N4BP2L2: variants seen among roughly 807,000 people sequenced by gnomAD.
N4BP2L2 encodes the protein NEDD4-binding protein 2-like 2.
Under a neutral mutation model 56.2 loss-of-function variants are expected in N4BP2L2, and 50 were observed. That is an observed-to-expected ratio of 0.89 (90% CI 0.71 to 1.13). The LOEUF is 1.13. N4BP2L2 is among the 50% of genes most tolerant of loss of function. The pLI is 0.00. For missense variants in N4BP2L2, 689 were observed against 693.8 expected, an observed-to-expected ratio of 0.99 and a Z score of 0.08; for synonymous variants, 203 against 223.6, an observed-to-expected ratio of 0.91 and a Z score of 0.82.
intron 2 of N4BP2L2, among the ~76,000 whole-genome samples, chr13:32,533,566 G>A (rs1309984784): frequency 7.2e-6 from 1 of 139,618 alleles, no homozygotes; most frequent in African/African-American, 2.7e-5. Context: ...CTGTCACCCA[G>A]GCTAGAAAGC....
At chr13:32,488,572 CATTTA>C (rs746162164) in intron 6 of N4BP2L2, among the ~76,000 whole-genome samples, 1 of 152,072 alleles carries the variant, frequency 6.6e-6, no homozygotes, top group Non-Finnish European at 1.5e-5. Flanking sequence ...TAAAATTATA[CATTTA>C]AATTATAAAT....
intron 2 of N4BP2L2, among the ~76,000 whole-genome samples, chr13:32,534,167 CATA>C (rs1245560887): frequency 1.1e-4 from 16 of 152,270 alleles, no homozygotes; most frequent in African/African-American, 3.9e-4. Flanking sequence ...AATTGTGAAT[CATA>C]ATACGAATGG....
At chr13:32,477,185 G>A in intron 6 of N4BP2L2, 1 of 494,504 alleles carries the variant, frequency 2.0e-6, no homozygotes, top group Non-Finnish European at 3.8e-6. Context: ...ATTTCTCCTT[G>A]GGCAGTCAGA....
At chr13:32,531,036 G>T (rs907847410) in intron 2 of N4BP2L2, among the ~76,000 whole-genome samples, 1 of 152,078 alleles carries the variant, frequency 6.6e-6, no homozygotes, top group African/African-American at 2.4e-5. Flanking sequence ...AGCCAGCAAG[G>T]AACTGAAGTC....
chr13:32,462,861 TAAAAAAAAA>T (rs569068082), intron 6 of N4BP2L2, among the ~76,000 whole-genome samples: 2 of 51,092 alleles, frequency 3.9e-5, no homozygotes, highest in African/African-American at 6.1e-5. Flanking sequence ...CTGTCTTTAC[TAAAAAAAAA>T]AAAAAAAAAA....
At position 32,521,714 on chromosome 13, in the gene N4BP2L2, G is replaced by A. The variant is rs1436280495; in HGVS notation, c.1474-265C>T. The stretch of plus-strand genomic sequence containing the variant: ...TATGAGGCTGGGCGTGGTGGCTCAT[G>A]CCTGTAATCCCAGCACTTTGGGAGG... On this transcript the variant is annotated intron_variant, in intron 4 of 5. Coordinates refer to ENST00000267068, the Ensembl canonical transcript of N4BP2L2. 3 of 335,888 alleles carry A rather than the reference G, an allele frequency of 8.9e-6. No homozygotes were observed. The Admixed American group carries it at 1.5e-4, about 16-fold the overall frequency. The allele number at this position is 335,888 out of a possible 1,614,324, so 20.8% of individuals were successfully genotyped here.
chr13:32,523,329 T>A (rs534979882), intron 3 of N4BP2L2: 1 of 145,716 alleles, frequency 6.9e-6, no homozygotes, highest in African/African-American at 2.6e-5. Flanking sequence ...GAAGTGGAGG[T>A]TGCTGTGAGC....
At chr13:32,468,908 G>T (rs2081768315) in intron 6 of N4BP2L2, among the ~76,000 whole-genome samples, 1 of 152,250 alleles carries the variant, frequency 6.6e-6, no homozygotes, top group Non-Finnish European at 1.5e-5. Context: ...AGCCAACCTT[G>T]TAGCCCAGGG....
intron 6 of N4BP2L2, among the ~76,000 whole-genome samples, chr13:32,469,640 C>A (rs1490579781): frequency 6.6e-6 from 1 of 152,204 alleles, no homozygotes; most frequent in Non-Finnish European, 1.5e-5. Context: ...GGGGTCCCCT[C>A]CCTGCCTGAT....
intron 5 of N4BP2L2, among the ~76,000 whole-genome samples, chr13:32,520,380 C>A (rs1320037263): frequency 1.3e-5 from 2 of 148,920 alleles, no homozygotes; most frequent in Non-Finnish European, 3.0e-5. Context: ...AAAGGCCAGG[C>A]GTGGTGGCTC....
At chr13:32,487,251 A>G (rs2086083101) in intron 6 of N4BP2L2, among the ~76,000 whole-genome samples, 2 of 151,874 alleles carry the variant, frequency 1.3e-5, no homozygotes, top group Non-Finnish European at 2.9e-5. Context: ...AGGCAAGAGG[A>G]TTGCTTGAGC....
At chr13:32,437,854 C>A (rs1398744626) in intron 8 of N4BP2L2, among the ~76,000 whole-genome samples, 1 of 152,142 alleles carries the variant, frequency 6.6e-6, no homozygotes, top group Non-Finnish European at 1.5e-5. Context: ...TTAAATGTAA[C>A]CTTCTCTTTG....
chr13:32,473,853 A>G (rs11839309), intron 6 of N4BP2L2, among the ~76,000 whole-genome samples: 41,819 of 152,158 alleles, frequency 0.27, 6,912 homozygotes, highest in Non-Finnish European at 0.37. Flanking sequence ...ATAATCCAGT[A>G]TAATCTCACT....
intron 6 of N4BP2L2, among the ~76,000 whole-genome samples, chr13:32,487,508 A>G (rs1461066506): frequency 6.6e-6 from 1 of 151,064 alleles, no homozygotes; most frequent in Non-Finnish European, 1.5e-5. Context: ...AAAAAAAAGT[A>G]GAAGATAAAA....
chr13:32,497,611 C>G (rs1481099316), intron 6 of N4BP2L2, among the ~76,000 whole-genome samples: 1 of 152,190 alleles, frequency 6.6e-6, no homozygotes, highest in East Asian at 1.9e-4. Context: ...AAAGTCACAG[C>G]CACCCTGCAG....
At chr13:32,445,985 C>T (rs1170283656) in intron 6 of N4BP2L2, among the ~76,000 whole-genome samples, 1 of 152,072 alleles carries the variant, frequency 6.6e-6, no homozygotes. Context: ...CAATTGACAC[C>T]GCTGAGGGAA....
chr13:32,502,970 C>T (rs2090277697), intron 6 of N4BP2L2, among the ~76,000 whole-genome samples: 2 of 151,912 alleles, frequency 1.3e-5, no homozygotes, highest in African/African-American at 4.8e-5. Context: ...GTCATAAGTT[C>T]GATACCAGCC....
At position 32,518,338 on chromosome 13, in the gene N4BP2L2, AT is replaced by A. The variant is rs201886949; in HGVS notation, c.1551-336del. 8.6e-3 allele frequency among the ~76,000 whole-genome samples: 1,307 copies of A among 152,340 alleles called. 55 individuals carry two copies. The highest frequency in any genetic ancestry group is 0.075 in the Admixed American group (1,143 of 15,302). ...ATACTGTTTTAAGAATTACAGAAAG[AT>A]TGAGTGGACTTCTAGGACTTGCAAA... On this transcript the variant is annotated intron_variant, in intron 5 of 5. Coordinates refer to ENST00000267068, the Ensembl canonical transcript of N4BP2L2.
intron 7 of N4BP2L2, among the ~76,000 whole-genome samples, chr13:32,440,850 T>C (rs981088601): frequency 2.3e-5 from 3 of 132,982 alleles, no homozygotes; most frequent in Non-Finnish European, 4.7e-5. Context: ...AAAATAACAA[T>C]CTTTTTTTTT....
Sources: gnomAD v4.1 joint callset for allele counts (sites outside exome capture counted in the v4.1 genomes callset) on GRCh38, gnomAD v4.1.1 for gene constraint, MANE v1.5 for transcripts, NCBI Gene and HGNC (gene_info 2026-07-23, HGNC 2026-07-21) for gene names.